The following EME2 variants were observed in gnomAD, a reference collection of about 807,000 sequenced individuals.
EME2 encodes the protein structure-specific endonuclease subunit EME2.
EME2 carries 58 observed loss-of-function variants against 41.9 expected under a neutral mutation model. The ratio of observed to expected loss-of-function variants is 1.38; its 90% CI spans 1.12 to 1.72. The LOEUF (loss-of-function observed/expected upper bound fraction) is 1.72, where lower values mean the gene tolerates loss of function less well. Among genes scored for constraint, EME2 ranks in the 40% most tolerant of loss-of-function variants. The pLI is 0.00. For synonymous variants in EME2, 334 were observed against 239.3 expected, an observed-to-expected ratio of 1.40 and a Z score of -3.65; for missense variants, 695 against 541.9, an observed-to-expected ratio of 1.28 and a Z score of -2.81.
In EME2 at chr16:1,776,863, T is replaced by A. The variant is rs2042720819; in HGVS notation, c.*625T>A. On this transcript the variant is annotated 3_prime_UTR_variant, in exon 8 of 8. Transcript: ENST00000568449. ...CAGCCAGGCTCTCGTCCTCGCAGCC[T>A]CCCACAAGACCTGGGGCTCAGGGCA... 3.6e-6 allele frequency: 2 copies of A among 557,906 alleles called. 1 individual carries two copies. Among genetic ancestry groups the A allele is most frequent in the African/African-American group, 3.8e-5 (2 of 52,772 alleles). The allele number at this position is 557,906 out of a possible 1,614,324, so 34.6% of individuals were successfully genotyped here.
Position 1,777,740 on chromosome 16 carries a change from G to C in EME2, c.*1502G>C, listed in dbSNP as rs1293970211. The stretch of plus-strand genomic sequence containing the variant: ...TGAGAGGAGCTCAAGTCCTGTGACG[G>C]CCTCACCTATACACTTCCTGTTCTT... On this transcript the variant is annotated 3_prime_UTR_variant, in exon 8 of 8. Coordinates refer to ENST00000568449, the MANE Select transcript of EME2 (RefSeq NM_001257370.2). 1 of 1,611,590 alleles carries C rather than the reference G, an allele frequency of 6.2e-7. No individual in the cohort carries two copies.
rs2042745376 is a variant in EME2, at chr16:1,778,337, A to G, written c.*2099A>G. The G allele has an allele frequency of 3.1e-6, 5 of 1,611,670 alleles. No homozygotes were observed. The highest frequency in any genetic ancestry group is 3.4e-6 in the Non-Finnish European group (4 of 1,179,874). ...CAGTCGAAATCTGCAAGAGAGGCCC[A>G]GGCTGGGGCAGCCCTGAGAGCTCCA... On this transcript the variant is annotated 3_prime_UTR_variant, in exon 8 of 8. Coordinates refer to ENST00000568449, the MANE Select transcript of EME2 (RefSeq NM_001257370.2).
Position 1,777,619 on chromosome 16 carries a change from G to T in EME2, c.*1381G>T. 6 of 1,484,566 alleles carry T rather than the reference G, an allele frequency of 4.0e-6. No individual in the cohort carries two copies. Among genetic ancestry groups the T allele is most frequent in the Non-Finnish European group, 5.4e-6 (6 of 1,104,724 alleles). 92.0% of individuals were successfully genotyped at this position (1,484,566 alleles called of 1,614,324 possible). ...CTGGCCTCACTGTCCCACCCCCTGG[G>T]ACCCTGGGGCCTCAGGCTTCTGGGA... On this transcript the variant is annotated 3_prime_UTR_variant, in exon 8 of 8. Transcript: ENST00000568449.
Position 1,773,034 on chromosome 16 carries a change from C to T in EME2, c.-194C>T. ...GTCCACCGCGTAGAGCTGGGAGTCG[C>T]GCGGCCTGTTCAGTTGCTCCCGCAG... On this transcript the variant is annotated 5_prime_UTR_variant, in exon 1 of 8. Transcript: ENST00000568449. 1 of 1,437,162 alleles carries T rather than the reference C, an allele frequency of 7.0e-7. No homozygotes were observed. 89.0% of individuals were successfully genotyped at this position (1,437,162 alleles called of 1,614,324 possible). A position where few individuals can be genotyped will look rare whatever the true frequency, so the allele number is the denominator to read the frequency against.
intron 1 of EME2, 30 bp from the exon 2 acceptor site, chr16:1,773,675 A>G (rs1277766131): frequency 6.5e-7 from 1 of 1,547,470 alleles, no homozygotes; most frequent in African/African-American, 1.4e-5. Context: ...GGAAGGAAGC[A>G]GTGACCGCGC....
Position 1,776,653 on chromosome 16 carries a change from A to G in EME2, c.*415A>G. The G allele has an allele frequency of 3.6e-6, 1 of 280,980 alleles. No individual in the cohort carries two copies. The highest frequency in any genetic ancestry group is 6.7e-6 in the Non-Finnish European group (1 of 148,496). The allele number at this position is 280,980 out of a possible 1,614,324, so 17.4% of individuals were successfully genotyped here. A position where few individuals can be genotyped will look rare whatever the true frequency, so the allele number is the denominator to read the frequency against. On this transcript the variant is annotated 3_prime_UTR_variant, in exon 8 of 8. Transcript: ENST00000568449. Reference sequence around the variant, plus strand: ...GTGGAGGGGCAGTGAGGCCTGGGAGAAGGCCCAGGCTGCTCGCAAGCCCGG... The same window carrying G: ...GTGGAGGGGCAGTGAGGCCTGGGAGGAGGCCCAGGCTGCTCGCAAGCCCGG...
In EME2 at chr16:1,777,059, T is replaced by C. The variant is rs780821752; in HGVS notation, c.*821T>C. ...GAAAGAAGGGACAGAGGAAAGGGGC[T>C]GTCCCAGCCCAAGAAGGCAGTTCCA... On this transcript the variant is annotated 3_prime_UTR_variant, in exon 8 of 8. Coordinates refer to ENST00000568449, the MANE Select transcript of EME2 (RefSeq NM_001257370.2). The C allele has an allele frequency of 1.3e-6, 2 of 1,592,472 alleles. No individual in the cohort carries two copies. Among genetic ancestry groups the C allele is most frequent in the African/African-American group, 1.3e-5 (1 of 74,614 alleles).
In EME2 at chr16:1,776,927, G is replaced by A. The variant is rs1469161107; in HGVS notation, c.*689G>A. The A allele has an allele frequency of 5.3e-6, 4 of 753,196 alleles. No homozygotes were observed. Among genetic ancestry groups the A allele is most frequent in the African/African-American group, 3.5e-5 (2 of 56,676 alleles). The allele number at this position is 753,196 out of a possible 1,614,324, so 46.7% of individuals were successfully genotyped here. The stretch of plus-strand genomic sequence containing the variant: ...CCAGCACAGCAGCAGAGGGGCCCTA[G>A]AGCCCCCACAGAAAGGACTGTCCCA... On this transcript the variant is annotated 3_prime_UTR_variant, in exon 8 of 8. Transcript: ENST00000568449.
In EME2 at chr16:1,776,849, T is replaced by C; in HGVS notation, c.*611T>C. 1.8e-6 allele frequency: 1 copy of C among 543,274 alleles called. No individual in the cohort carries two copies. Among genetic ancestry groups the C allele is most frequent in the Admixed American group, 3.5e-5 (1 of 28,858 alleles). The allele number at this position is 543,274 out of a possible 1,614,324, so 33.7% of individuals were successfully genotyped here. A position where few individuals can be genotyped will look rare whatever the true frequency, so the allele number is the denominator to read the frequency against. On this transcript the variant is annotated 3_prime_UTR_variant, in exon 8 of 8. Coordinates refer to ENST00000568449, the MANE Select transcript of EME2 (RefSeq NM_001257370.2). ...AGCAACGCGGGCTCCAGCCAGGCTC[T>C]CGTCCTCGCAGCCTCCCACAAGACC...
chr16:1,776,301 G>A lies in EME2; in HGVS notation c.*63G>A, dbSNP rs2437732. ...GGACAGACCAGACACCCTGGGCGGT[G>A]GGGGAGGACCCCCAGCCACATGTGG... On this transcript the variant is annotated 3_prime_UTR_variant, in exon 8 of 8. Transcript: ENST00000568449. The A allele has an allele frequency of 6.4e-7, 1 of 1,557,258 alleles. No individual in the cohort carries two copies. Among genetic ancestry groups the A allele is most frequent in the African/African-American group, 1.4e-5 (1 of 73,796 alleles).
In EME2 at chr16:1,774,361, G is replaced by C. The variant is rs371526563; in HGVS notation, c.477+9G>C. On this transcript the variant is annotated intron_variant, in intron 3 of 7. Coordinates refer to ENST00000568449, the MANE Select transcript of EME2 (RefSeq NM_001257370.2). ...TCGCCACACTGACCCAGGTGCTCGG[G>C]TGGTGGCAGTAGTCCCTCTCTAATC... is the stretch of plus-strand genomic sequence containing the variant. 2.9e-5 allele frequency: 47 copies of C among 1,611,002 alleles called. No individual in the cohort carries two copies. The highest frequency in any genetic ancestry group is 6.7e-5 in the Admixed American group (4 of 60,012).
Position 1,777,544 on chromosome 16 carries a change from G to A in EME2, c.*1306G>A. 7.3e-7 allele frequency: 1 copy of A among 1,373,926 alleles called. No homozygotes were observed. The highest frequency in any genetic ancestry group is 9.6e-7 in the Non-Finnish European group (1 of 1,038,850). 85.1% of individuals were successfully genotyped at this position (1,373,926 alleles called of 1,614,324 possible). ...GCTACAGTCACCCGGGTGGGCAGCT[G>A]GCACAGCTGAGGCAAGGCAGGGTGC... On this transcript the variant is annotated 3_prime_UTR_variant, in exon 8 of 8. Transcript: ENST00000568449.
chr16:1,778,627 C>T lies in EME2; in HGVS notation c.*2389C>T. The T allele has an allele frequency of 6.5e-7, 1 of 1,532,836 alleles. No homozygotes were observed. The highest frequency in any genetic ancestry group is 8.8e-7 in the Non-Finnish European group (1 of 1,139,536). 95.0% of individuals were successfully genotyped at this position (1,532,836 alleles called of 1,614,324 possible). A position where few individuals can be genotyped will look rare whatever the true frequency, so the allele number is the denominator to read the frequency against. ...GAGTCGCTGTGCTGGGAGAGAAGGGCCGGCTGTTACTACCTGTTGCCCGCT... is the reference window on the plus strand; with the variant it reads ...GAGTCGCTGTGCTGGGAGAGAAGGGTCGGCTGTTACTACCTGTTGCCCGCT... On this transcript the variant is annotated 3_prime_UTR_variant, in exon 8 of 8. Coordinates refer to ENST00000568449, the MANE Select transcript of EME2 (RefSeq NM_001257370.2).
In EME2 at chr16:1,777,195, G is replaced by C; in HGVS notation, c.*957G>C. 1 of 1,610,500 alleles carries C rather than the reference G, an allele frequency of 6.2e-7. No individual in the cohort carries two copies. The highest frequency in any genetic ancestry group is 2.2e-5 in the East Asian group (1 of 44,876). Reference sequence around the variant, plus strand: ...TGGGGATCGGACACTGGAGCCTTGCGGCGGCTGCAACTCATGCTCAGGACC... The same window carrying C: ...TGGGGATCGGACACTGGAGCCTTGCCGCGGCTGCAACTCATGCTCAGGACC... On this transcript the variant is annotated 3_prime_UTR_variant, in exon 8 of 8. Transcript: ENST00000568449.
rs752773684 is a variant in EME2, at chr16:1,775,299, G to T, written c.570-16G>T. The T allele has an allele frequency of 3.1e-6, 5 of 1,609,256 alleles. No individual in the cohort carries two copies. The highest frequency in any genetic ancestry group is 4.2e-6 in the Non-Finnish European group (5 of 1,179,744). ...GGCCCCATGGGGAGCGGGGAGGAAT[G>T]GTCACCTCTGCTCAGGTCTCGCCAG... On this transcript the variant is annotated splice_polypyrimidine_tract_variant and intron_variant, in intron 4 of 7. Coordinates refer to ENST00000568449, the MANE Select transcript of EME2 (RefSeq NM_001257370.2).
chr16:1,774,252 C>G lies in EME2; in HGVS notation c.385-8C>G. The G allele has an allele frequency of 6.2e-7, 1 of 1,611,508 alleles. No individual in the cohort carries two copies. The highest frequency in any genetic ancestry group is 8.5e-7 in the Non-Finnish European group (1 of 1,178,978). On this transcript the variant is annotated splice_region_variant and splice_polypyrimidine_tract_variant and intron_variant, in intron 2 of 7. Coordinates refer to ENST00000568449, the MANE Select transcript of EME2 (RefSeq NM_001257370.2). ...GACAGGCAGCAGCGCGTCCCCATGT[C>G]CCCACAGCTGCCTCCTGAAGTGTGG...
chr16:1,774,387 A>G (rs764906958), intron 3 of EME2, 35 bp downstream of exon 3: 7 of 1,517,164 alleles, frequency 4.6e-6, no homozygotes, highest in South Asian at 1.1e-5. Flanking sequence ...CTCTCTAATC[A>G]GGAGGGGTGG....
Position 1,778,482 on chromosome 16 carries a change from T to C in EME2, c.*2244T>C. The C allele has an allele frequency of 6.2e-7, 1 of 1,611,764 alleles. No homozygotes were observed. The highest frequency in any genetic ancestry group is 8.5e-7 in the Non-Finnish European group (1 of 1,179,514). ...GCAGTCCCTGCCCCGGTGGGCCGAG[T>C]GCAGGCTGCTACAGAAGGAGGCCTC... On this transcript the variant is annotated 3_prime_UTR_variant, in exon 8 of 8. Coordinates refer to ENST00000568449, the MANE Select transcript of EME2 (RefSeq NM_001257370.2).
At position 1,777,891 on chromosome 16, in the gene EME2, G is replaced by A. The variant is rs773344078; in HGVS notation, c.*1653G>A. ...AGGAGGCCTGGGGGCAGCCAGGGTC[G>A]CAGTGAGCCCGGGAGCTCCAGGCTC... is the stretch of plus-strand genomic sequence containing the variant. On this transcript the variant is annotated 3_prime_UTR_variant, in exon 8 of 8. Coordinates refer to ENST00000568449, the MANE Select transcript of EME2 (RefSeq NM_001257370.2). The A allele has an allele frequency of 2.0e-5, 32 of 1,611,692 alleles. No homozygotes were observed. The highest frequency in any genetic ancestry group is 5.3e-5 in the African/African-American group (4 of 74,916).
Sources: allele counts gnomAD v4.1 joint callset, GRCh38; gene constraint gnomAD v4.1.1; transcripts MANE v1.5; gene names NCBI Gene and HGNC (gene_info 2026-07-23, HGNC 2026-07-21).